EYS: variants seen among roughly 807,000 people sequenced by gnomAD.
EYS encodes protein eyes shut homolog.
EYS carries 250 observed loss-of-function variants against 282.1 expected under a neutral mutation model. The observed-to-expected ratio is 0.89, with a 90% CI of 0.80 to 0.98. The LOEUF is 0.98. Among genes scored for constraint, EYS ranks in the 50% least tolerant of loss-of-function variants. EYS has a pLI of 0.00. For missense variants in EYS, 4,016 were observed against 3,709.0 expected, an observed-to-expected ratio of 1.08 and a Z score of -2.15; for synonymous variants, 1,355 against 1,282.9, an observed-to-expected ratio of 1.06 and a Z score of -1.20.
intron 30 of EYS, among the ~76,000 whole-genome samples, chr6:64,240,353 A>G (rs761196600): frequency 6.6e-6 from 1 of 152,130 alleles, no homozygotes; most frequent in Middle Eastern, 3.2e-3. Context: ...GCAATAGGCC[A>G]TTTTCATGAT....
At chr6:64,304,117 A>C (rs1381361773) in intron 30 of EYS, among the ~76,000 whole-genome samples, 1 of 152,164 alleles carries the variant, frequency 6.6e-6, no homozygotes, top group East Asian at 1.9e-4. Context: ...ATAAACGTGA[A>C]CTTCACCAGC....
intron 26 of EYS, among the ~76,000 whole-genome samples, chr6:64,505,170 T>A (rs1385132425): frequency 6.6e-6 from 1 of 152,188 alleles, no homozygotes; most frequent in Non-Finnish European, 1.5e-5. Flanking sequence ...TTACCATTGA[T>A]TCCTCTTTTG....
chr6:64,432,134 T>C (rs1472666771), intron 28 of EYS, among the ~76,000 whole-genome samples: 1 of 152,074 alleles, frequency 6.6e-6, no homozygotes, highest in African/African-American at 2.4e-5. Flanking sequence ...TTATTTGGCT[T>C]TGCAGAGTTT....
intron 40 of EYS, among the ~76,000 whole-genome samples, chr6:63,773,312 T>C (rs1769982546): frequency 6.6e-6 from 1 of 151,916 alleles, no homozygotes; most frequent in African/African-American, 2.4e-5. Flanking sequence ...TCCAAGGAAG[T>C]AGGGAGTACT....
intron 31 of EYS, among the ~76,000 whole-genome samples, chr6:64,137,629 A>AGC (rs1774205837): frequency 7.3e-6 from 1 of 137,850 alleles, no homozygotes; most frequent in Non-Finnish European, 1.7e-5. Context: ...AGAGAGAGAC[A>AGC]GAGAGAGAGA....
intron 2 of EYS, among the ~76,000 whole-genome samples, chr6:65,511,586 T>A (rs1485870946): frequency 6.6e-6 from 1 of 152,160 alleles, no homozygotes; most frequent in East Asian, 1.9e-4. Context: ...TTTTTTTAAT[T>A]GTTATTTCAG....
rs1010610147 is a variant in EYS at position 65,537,771 on chromosome 6, A to G, written c.-332-41778T>C. Among the ~76,000 whole-genome samples, 4 of 152,324 alleles carry G rather than the reference A, an allele frequency of 2.6e-5. No individual in the cohort carries two copies. In the South Asian group the frequency reaches 8.3e-4, roughly 32 times the overall value. On this transcript the variant is annotated intron_variant, in intron 2 of 42. Coordinates refer to ENST00000503581, the MANE Select transcript of EYS (RefSeq NM_001142800.2). Reference sequence around the variant, plus strand: ...TAGAACACGCTTGAATATTCATCGGATGAGCCATTAGCATGGGACAGCTGG... The same window carrying G: ...TAGAACACGCTTGAATATTCATCGGGTGAGCCATTAGCATGGGACAGCTGG...
chr6:63,838,633 C>T (rs1385750684), intron 36 of EYS, among the ~76,000 whole-genome samples: 2 of 152,100 alleles, frequency 1.3e-5, no homozygotes, highest in African/African-American at 2.4e-5. Flanking sequence ...TAGCATTTTT[C>T]CCCTGTAGGT....
chr6:64,536,255 C>T (rs1313508874), intron 26 of EYS, among the ~76,000 whole-genome samples: 2 of 151,968 alleles, frequency 1.3e-5, no homozygotes, highest in African/African-American at 2.4e-5. Context: ...TTACCTGCTT[C>T]GGGAAAACAA....
chr6:64,887,626 C>T (rs1767139597), intron 18 of EYS, among the ~76,000 whole-genome samples: 1 of 151,954 alleles, frequency 6.6e-6, no homozygotes. Context: ...TCCTAATTAA[C>T]TTCACTCATC....
chr6:65,241,095 G>T (rs368687796), intron 12 of EYS, among the ~76,000 whole-genome samples: 6 of 152,040 alleles, frequency 3.9e-5, no homozygotes, highest in African/African-American at 1.4e-4. Context: ...AAAATGACTG[G>T]TTTTGTTAAA....
At chr6:65,193,872 T>C (rs1765701255) in intron 12 of EYS, among the ~76,000 whole-genome samples, 1 of 151,840 alleles carries the variant, frequency 6.6e-6, no homozygotes, top group Non-Finnish European at 1.5e-5. Flanking sequence ...GGGATCAGTG[T>C]CTCAGGACAC....
chr6:64,956,684 T>C (rs1769714239), intron 14 of EYS, among the ~76,000 whole-genome samples: 1 of 152,134 alleles, frequency 6.6e-6, no homozygotes, highest in African/African-American at 2.4e-5. Context: ...AAATTACCAA[T>C]CTGACAAGGG....
At chr6:65,129,242 T>G (rs1046007782) in intron 12 of EYS, among the ~76,000 whole-genome samples, 4 of 151,990 alleles carry the variant, frequency 2.6e-5, no homozygotes, top group Admixed American at 6.6e-5. Context: ...GGAAATATCC[T>G]TTTCAATATT....
intron 8 of EYS, among the ~76,000 whole-genome samples, chr6:65,376,965 T>C (rs1163199145): frequency 2.0e-5 from 3 of 152,086 alleles, no homozygotes; most frequent in Admixed American, 6.6e-5. Flanking sequence ...GACAGATCAA[T>C]GAGACAGAAA....
intron 28 of EYS, among the ~76,000 whole-genome samples, chr6:64,423,257 C>T (rs1223101772): frequency 6.6e-6 from 1 of 152,126 alleles, no homozygotes; most frequent in East Asian, 1.9e-4. Context: ...ATTGTATAAC[C>T]ACTTTCATTT....
chr6:64,570,078 G>A (rs1220195902), intron 26 of EYS, among the ~76,000 whole-genome samples: 4 of 152,236 alleles, frequency 2.6e-5, no homozygotes, highest in Non-Finnish European at 5.9e-5. Context: ...AAGCCCATCA[G>A]ACTAACAATG....
intron 26 of EYS, among the ~76,000 whole-genome samples, chr6:64,523,306 A>G (rs1383754180): frequency 6.6e-6 from 1 of 151,710 alleles, no homozygotes; most frequent in Non-Finnish European, 1.5e-5. Context: ...TCTTCTTCAC[A>G]CTTTTTACCT....
chr6:64,120,650 C>T (rs918887204), intron 31 of EYS, among the ~76,000 whole-genome samples: 1 of 152,042 alleles, frequency 6.6e-6, no homozygotes, highest in African/African-American at 2.4e-5. Context: ...GACTGGGAGT[C>T]AGGAGGATAT....
Sources: allele counts gnomAD v4.1 joint callset (sites outside exome capture counted in the v4.1 genomes callset), GRCh38; gene constraint gnomAD v4.1.1; transcripts MANE v1.5; gene names NCBI Gene and HGNC (gene_info 2026-07-23, HGNC 2026-07-21).